LRRTM4: variants seen among roughly 807,000 people sequenced by gnomAD.
LRRTM4 encodes the protein leucine-rich repeat transmembrane neuronal protein 4.
In LRRTM4, 25 loss-of-function variants were observed where a neutral mutation model predicts 47.6. The ratio of observed to expected loss-of-function variants is 0.53; its 90% CI spans 0.38 to 0.73. LRRTM4 has a LOEUF of 0.73. LRRTM4 is among the 30% of genes least tolerant of loss of function. The pLI is 0.00. For synonymous variants in LRRTM4, 311 were observed against 269.5 expected, an observed-to-expected ratio of 1.15 and a Z score of -1.51; for missense variants, 638 against 713.4, an observed-to-expected ratio of 0.89 and a Z score of 1.20.
chr2:76,922,775 C>G (rs142471398), intron 3 of LRRTM4, among the ~76,000 whole-genome samples: 67 of 152,120 alleles, frequency 4.4e-4, no homozygotes, highest in African/African-American at 1.6e-3. Context: ...AGTAGTCTCA[C>G]CACATATGCA....
At chr2:77,386,912 A>G (rs1673302010) in intron 3 of LRRTM4, among the ~76,000 whole-genome samples, 1 of 152,050 alleles carries the variant, frequency 6.6e-6, no homozygotes, top group Non-Finnish European at 1.5e-5. Flanking sequence ...ATGTAACGAA[A>G]CACATGTTCT....
intron 3 of LRRTM4, among the ~76,000 whole-genome samples, chr2:76,773,318 C>T (rs542429915): frequency 6.6e-6 from 1 of 152,212 alleles, no homozygotes; most frequent in African/African-American, 2.4e-5. Context: ...AGGGCTTACA[C>T]ACTTTTCTGC....
chr2:77,300,163 A>T (rs1265376684), intron 3 of LRRTM4, among the ~76,000 whole-genome samples: 1 of 152,098 alleles, frequency 6.6e-6, no homozygotes, highest in African/African-American at 2.4e-5. Context: ...GATGATTTTT[A>T]AAAGTTTATT....
chr2:77,413,093 T>C (rs755524790), intron 3 of LRRTM4, among the ~76,000 whole-genome samples: 4 of 152,214 alleles, frequency 2.6e-5, no homozygotes, highest in Non-Finnish European at 4.4e-5. Context: ...TTTGCTCCCA[T>C]GTGCAGTTGG....
chr2:77,309,001 A>G (rs1223190964), intron 3 of LRRTM4, among the ~76,000 whole-genome samples: 1 of 152,190 alleles, frequency 6.6e-6, no homozygotes, highest in Non-Finnish European at 1.5e-5. Context: ...GGCATAGATA[A>G]TACAAATTGC....
chr2:76,881,094 T>C (rs148181883), intron 3 of LRRTM4, among the ~76,000 whole-genome samples: 329 of 152,224 alleles, frequency 2.2e-3, no homozygotes, highest in African/African-American at 7.5e-3. Context: ...AGAAAGAACG[T>C]TCCCAACACA....
chr2:77,340,750 T>G (rs993445994), intron 3 of LRRTM4, among the ~76,000 whole-genome samples: 1 of 152,088 alleles, frequency 6.6e-6, no homozygotes, highest in East Asian at 1.9e-4. Context: ...CCATAACTCA[T>G]GATTTCAATA....
chr2:77,351,930 A>G (rs367548690), intron 3 of LRRTM4, among the ~76,000 whole-genome samples: 2 of 152,048 alleles, frequency 1.3e-5, no homozygotes, highest in East Asian at 1.9e-4. Flanking sequence ...CTGCTTTTCA[A>G]TTCTCTGAGT....
chr2:77,421,064 G>C (rs1247550609), intron 3 of LRRTM4, among the ~76,000 whole-genome samples: 3 of 151,492 alleles, frequency 2.0e-5, no homozygotes, highest in Non-Finnish European at 4.4e-5. Context: ...AAGGCCACTA[G>C]AGGTATCAAA....
At chr2:77,148,531 A>T (rs1371832341) in intron 3 of LRRTM4, among the ~76,000 whole-genome samples, 5 of 152,186 alleles carry the variant, frequency 3.3e-5, no homozygotes, top group Non-Finnish European at 7.4e-5. Context: ...GTTGCATTTG[A>T]ACATTATAAA....
In LRRTM4 at chr2:77,522,126, G is replaced by A. The variant is rs920379602; in HGVS notation, c.-165C>T. 11 of 715,826 alleles carry A rather than the reference G, an allele frequency of 1.5e-5. No homozygotes were observed. The highest frequency in any genetic ancestry group is 2.9e-5 in the Non-Finnish European group (11 of 384,248). The allele number at this position is 715,826 out of a possible 1,614,324, so 44.3% of individuals were successfully genotyped here. A position where few individuals can be genotyped will look rare whatever the true frequency, so the allele number is the denominator to read the frequency against. ...CAGAATACCTGGCATTCCTTATTGT[G>A]CTGGCTTTTGCCATTCCCAGATAAA... On this transcript the variant is annotated 5_prime_UTR_variant, in exon 1 of 4. Coordinates refer to ENST00000409884, the MANE Select transcript of LRRTM4 (RefSeq NM_001134745.3).
At chr2:77,434,080 C>G (rs1340818944) in intron 3 of LRRTM4, among the ~76,000 whole-genome samples, 1 of 152,052 alleles carries the variant, frequency 6.6e-6, no homozygotes, top group African/African-American at 2.4e-5. Flanking sequence ...TCCAATGGGT[C>G]TAGATGTGAG....
Position 77,519,722 on chromosome 2 carries a change from A to G in LRRTM4, c.147T>C (p.Ser49=), listed in dbSNP as rs1043291655. The change falls in exon 3 of 4, where the codon TCT becomes TCC. Residue 49 remains serine (S), a synonymous_variant. Transcript: ENST00000409884. The surrounding 1 kb of genome is among the most constrained non-coding windows in gnomAD (Gnocchi z 4.6). ...TCTCAGGGATATCTGCGAAAGCATG[A>G]GACTCACAGTACACAATTTTGCCAT... is the stretch of plus-strand genomic sequence containing the variant. ...RCDGKIVYCE[S]HAFADIPENI... is the part of the protein sequence containing the mutation. 1 of 1,613,416 alleles carries G rather than the reference A, an allele frequency of 6.2e-7. No individual in the cohort carries two copies. The highest frequency in any genetic ancestry group is 1.3e-5 in the African/African-American group (1 of 74,980).
intron 3 of LRRTM4, among the ~76,000 whole-genome samples, chr2:76,934,688 T>C (rs1243513287): frequency 6.6e-6 from 1 of 152,150 alleles, no homozygotes; most frequent in Non-Finnish European, 1.5e-5. Context: ...TTTCATAAAC[T>C]GGCATGAGTT....
intron 3 of LRRTM4, among the ~76,000 whole-genome samples, chr2:76,811,163 T>C (rs1164490378): frequency 1.3e-5 from 2 of 152,052 alleles, no homozygotes; most frequent in Non-Finnish European, 2.9e-5. Flanking sequence ...GTTAACTTCT[T>C]TCTGTTAAGG....
chr2:77,315,931 C>T (rs1677605521), intron 3 of LRRTM4, among the ~76,000 whole-genome samples: 1 of 152,174 alleles, frequency 6.6e-6, no homozygotes, highest in Non-Finnish European at 1.5e-5. Context: ...TTTACTTTTC[C>T]TTTGGGCAAA....
intron 3 of LRRTM4, among the ~76,000 whole-genome samples, chr2:77,477,567 G>A (rs141499694): frequency 0.018 from 2,670 of 152,148 alleles, 84 homozygotes; most frequent in African/African-American, 0.06. Context: ...ACTAGGCCAG[G>A]CACAGTGGCT....
chr2:77,102,095 G>A (rs1349309768), intron 3 of LRRTM4, among the ~76,000 whole-genome samples: 8 of 152,156 alleles, frequency 5.3e-5, no homozygotes, highest in Non-Finnish European at 8.8e-5. Context: ...ACTGGCTCCA[G>A]CCTGCAGCTT....
chr2:77,051,059 G>A (rs954316996), intron 3 of LRRTM4, among the ~76,000 whole-genome samples: 9 of 151,136 alleles, frequency 6.0e-5, no homozygotes, highest in Non-Finnish European at 1.2e-4. Context: ...TTAGAGCAAC[G>A]GTTCTTCATT....
Sources: gnomAD v4.1 joint callset for allele counts (sites outside exome capture counted in the v4.1 genomes callset) on GRCh38, gnomAD v4.1.1 for gene constraint, Gnocchi (gnomAD v3.1) non-coding constraint, MANE v1.5 for transcripts, NCBI Gene and HGNC (gene_info 2026-07-23, HGNC 2026-07-21) for gene names.